PUDP: variants seen among roughly 807,000 people sequenced by gnomAD.
The protein encoded by PUDP is pseudouridine 5'-phosphatase.
Under a neutral mutation model 9.4 loss-of-function variants are expected in PUDP, and 8 were observed. The ratio of observed to expected loss-of-function variants is 0.85; its 90% CI spans 0.50 to 1.53. The LOEUF is 1.53. Ranked by LOEUF, PUDP falls within the 40% of genes most tolerant of loss-of-function variation. The pLI is 0.00. For synonymous variants in PUDP, 99 were observed against 80.7 expected (o/e 1.23, Z -1.22); for missense variants, 188 against 189.7 (o/e 0.99, Z 0.05).
intron 1 of PUDP, among the ~76,000 whole-genome samples, chrX:7,028,299 T>A (rs1021728377): frequency 4.5e-5 from 5 of 110,691 alleles, no homozygotes; most frequent in African/African-American, 1.6e-4. Context: ...TACAGATATC[T>A]CAATAGAGAC....
chrX:7,023,414 T>C (rs1225874712), intron 1 of PUDP, among the ~76,000 whole-genome samples: 1 of 112,246 alleles, frequency 8.9e-6, no homozygotes, highest in Non-Finnish European at 1.9e-5. Context: ...TGTGAGATCA[T>C]ATTTTTGGTC....
chrX:7,050,263 T>A lies in PUDP; in HGVS notation c.*33A>T, dbSNP rs902247931. On this transcript the variant is annotated 3_prime_UTR_variant, in exon 4 of 4. Transcript: ENST00000381077. ...CCCCCAGCAGTGTGGACCATGAGAG[T>A]GGGCTGGGGGCGGAAGACTGAGGCC... 8.4e-7 allele frequency: 1 copy of A among 1,184,631 alleles called. No homozygotes were observed. The highest frequency in any genetic ancestry group is 1.1e-6 in the Non-Finnish European group (1 of 875,745).
At chrX:6,840,497 G>C (rs962678815) in intron 3 of PUDP, among the ~76,000 whole-genome samples, 21 of 112,441 alleles carry the variant, frequency 1.9e-4, no homozygotes, top group African/African-American at 6.8e-4. Context: ...ACCAGTCTGA[G>C]AAGGCTACAT....
At chrX:6,919,440 C>T (rs186847187) in intron 3 of PUDP, among the ~76,000 whole-genome samples, 9 of 111,527 alleles carry the variant, frequency 8.1e-5, no homozygotes, top group Non-Finnish European at 1.5e-4. Context: ...ACTCTAAGCG[C>T]TTGCCAAGTG....
intron 1 of PUDP, among the ~76,000 whole-genome samples, chrX:7,023,488 A>G (rs1476102173): frequency 8.9e-6 from 1 of 112,475 alleles, no homozygotes; most frequent in Non-Finnish European, 1.9e-5. Flanking sequence ...ATACAGGTCT[A>G]TGATCTATCT....
At chrX:6,961,348 T>C (rs1207336689) in intron 3 of PUDP, among the ~76,000 whole-genome samples, 2 of 109,948 alleles carry the variant, frequency 1.8e-5, no homozygotes, top group Non-Finnish European at 3.8e-5. Context: ...ATAATGACAC[T>C]GCACTCCAGC....
At chrX:6,939,543 C>G (rs1038858297) in intron 3 of PUDP, among the ~76,000 whole-genome samples, 1 of 109,447 alleles carries the variant, frequency 9.1e-6, no homozygotes, top group Non-Finnish European at 1.9e-5. Context: ...TATTACAACT[C>G]GGAAATCTTA....
At chrX:6,752,046 G>T (rs1299647821) in intron 3 of PUDP, among the ~76,000 whole-genome samples, 1 of 111,171 alleles carries the variant, frequency 9.0e-6, no homozygotes, top group Non-Finnish European at 1.9e-5. Context: ...GGCAGGTGGT[G>T]CTTTATTCTT....
intron 2 of PUDP, among the ~76,000 whole-genome samples, chrX:7,101,685 T>C (rs1931740551): frequency 8.9e-6 from 1 of 111,832 alleles, no homozygotes; most frequent in South Asian, 3.8e-4. Context: ...ATAAGACACG[T>C]GCATGCCTCA....
At chrX:6,877,164 G>T (rs1251021104) in intron 3 of PUDP, among the ~76,000 whole-genome samples, 1 of 109,831 alleles carries the variant, frequency 9.1e-6, no homozygotes, top group Non-Finnish European at 1.9e-5. Context: ...TTTCTATGTT[G>T]ATCAGGCTGG....
intron 3 of PUDP, among the ~76,000 whole-genome samples, chrX:6,737,204 A>C (rs1314813024): frequency 4.5e-5 from 5 of 111,828 alleles, no homozygotes; most frequent in Non-Finnish European, 9.4e-5. Flanking sequence ...AGAGGCTTCG[A>C]AGGCAGCTCA....
chrX:6,889,550 A>G (rs1273418428), intron 3 of PUDP, among the ~76,000 whole-genome samples: 1 of 111,842 alleles, frequency 8.9e-6, no homozygotes, highest in East Asian at 2.8e-4. Context: ...GTCATGCGAC[A>G]TTTTGGTTTC....
intron 2 of PUDP, among the ~76,000 whole-genome samples, chrX:6,705,891 A>T (rs760688010): frequency 8.9e-6 from 1 of 112,667 alleles, no homozygotes; most frequent in South Asian, 3.6e-4. Context: ...AGAAAGTTTA[A>T]AACAAAACAA....
chrX:7,133,595 C>T (rs1171764923), intron 1 of PUDP, among the ~76,000 whole-genome samples: 1 of 111,775 alleles, frequency 8.9e-6, no homozygotes, highest in Non-Finnish European at 1.9e-5. Flanking sequence ...GGCCAAAAAG[C>T]CAGCTCATAG....
chrX:6,754,311 C>T (rs1925143998), intron 3 of PUDP, among the ~76,000 whole-genome samples: 2 of 111,252 alleles, frequency 1.8e-5, no homozygotes, highest in African/African-American at 6.5e-5. Flanking sequence ...CCTTGTAAGA[C>T]GTGCCTTTGC....
At chrX:7,068,185 G>A (rs769595144) in intron 3 of PUDP, among the ~76,000 whole-genome samples, 6 of 112,431 alleles carry the variant, frequency 5.3e-5, no homozygotes, top group African/African-American at 1.6e-4. Context: ...CAAAGAGCAA[G>A]AAATAACTAC....
chrX:6,865,037 C>T (rs142149584), intron 3 of PUDP, among the ~76,000 whole-genome samples: 1,453 of 111,673 alleles, frequency 0.013, 23 homozygotes, highest in African/African-American at 0.045. Flanking sequence ...TTTTCATTGT[C>T]GATGCTGTTG....
At chrX:6,897,503 T>C in intron 3 of PUDP, among the ~76,000 whole-genome samples, 1 of 111,594 alleles carries the variant, frequency 9.0e-6, no homozygotes, top group East Asian at 2.8e-4. Flanking sequence ...ACACAGAGTG[T>C]CTCAAGTCAG....
intron 3 of PUDP, among the ~76,000 whole-genome samples, chrX:6,845,636 A>G (rs1172079102): frequency 9.0e-6 from 1 of 110,678 alleles, no homozygotes; most frequent in East Asian, 3.0e-4. Context: ...TCCCAGCATG[A>G]AGGATTGTGT....
Sources: gnomAD v4.1 joint callset for allele counts (sites outside exome capture counted in the v4.1 genomes callset) on GRCh38, gnomAD v4.1.1 for gene constraint, MANE v1.5 for transcripts, NCBI Gene and HGNC (gene_info 2026-07-23, HGNC 2026-07-21) for gene names.